Variants in EVC2 observed in about 807,000 individuals in gnomAD.
The protein encoded by EVC2 is EvC ciliary complex subunit 2, also known as limbin.
EVC2 carries 148 observed loss-of-function variants against 149.3 expected under a neutral mutation model. That is an observed-to-expected ratio of 0.99 (90% CI 0.87 to 1.14). EVC2 has a LOEUF of 1.14. Among genes scored for constraint, EVC2 ranks in the 50% most tolerant of loss-of-function variants. The probability of loss-of-function intolerance (pLI) is 0.00; values close to 1 mark genes in which losing one functional copy is unlikely to be tolerated. For missense variants in EVC2, 1,854 were observed against 1,627.3 expected (o/e 1.14, Z -2.40); for synonymous variants, 776 against 649.9 (o/e 1.19, Z -2.95).
At chr4:5,582,054 G>A (rs1410449517) in intron 17 of EVC2, among the ~76,000 whole-genome samples, 1 of 152,234 alleles carries the variant, frequency 6.6e-6, no homozygotes, top group Non-Finnish European at 1.5e-5. Flanking sequence ...GCCTTCTGCT[G>A]GGGCAGAGCC....
intron 16 of EVC2, among the ~76,000 whole-genome samples, chr4:5,615,165 G>A (rs1057152227): frequency 6.6e-6 from 1 of 152,196 alleles, no homozygotes; most frequent in Non-Finnish European, 1.5e-5. Context: ...GGCAGCACCC[G>A]AGGTGAAGCC....
intron 1 of EVC2, among the ~76,000 whole-genome samples, chr4:5,700,916 C>T (rs531496806): frequency 1.3e-4 from 20 of 152,328 alleles, no homozygotes; most frequent in East Asian, 1.9e-4. Context: ...TGCAGCTTCC[C>T]GTGGCTGCTG....
intron 16 of EVC2, among the ~76,000 whole-genome samples, chr4:5,604,006 G>C (rs1413272721): frequency 2.0e-5 from 3 of 152,144 alleles, no homozygotes; most frequent in South Asian, 2.1e-4. Context: ...TTTAGGCTCT[G>C]TTCTACCATG....
chr4:5,628,876 C>T, intron 11 of EVC2, 142 bp from the exon 12 acceptor site: 1 of 850,072 alleles, frequency 1.2e-6, no homozygotes, highest in Non-Finnish European at 1.8e-6. Context: ...TTTAACCTCC[C>T]TGCCTGTAAC....
intron 8 of EVC2, 72 bp from the exon 9 acceptor site, chr4:5,663,318 G>A: frequency 6.2e-7 from 1 of 1,602,336 alleles, no homozygotes; most frequent in South Asian, 1.1e-5. Flanking sequence ...AAAGCCAGGA[G>A]GGAAGGCCAG....
chr4:5,703,229 C>T (rs1044683578), intron 1 of EVC2, among the ~76,000 whole-genome samples: 1 of 152,200 alleles, frequency 6.6e-6, no homozygotes, highest in Admixed American at 6.5e-5. Flanking sequence ...TCCGTGAGGA[C>T]TTACTGCATA....
chr4:5,624,814 G>C (rs983868714), intron 13 of EVC2, among the ~76,000 whole-genome samples: 6 of 152,108 alleles, frequency 3.9e-5, no homozygotes, highest in Non-Finnish European at 4.4e-5. Flanking sequence ...TCCCAAACTT[G>C]GTAGTAAAGA....
intron 16 of EVC2, among the ~76,000 whole-genome samples, chr4:5,590,865 G>C (rs1463872122): frequency 6.6e-6 from 1 of 152,174 alleles, no homozygotes; most frequent in Non-Finnish European, 1.5e-5. Flanking sequence ...GAAACTTATA[G>C]TCATGGCAGA....
At position 5,686,624 on chromosome 4, in the gene EVC2, T is replaced by C. The variant is rs972553955; in HGVS notation, c.707-1145A>G. On this transcript the variant is annotated intron_variant, in intron 5 of 21. Transcript: ENST00000344408. This position sits in a 1 kb window ranked among gnomAD's most constrained non-coding sequence, Gnocchi z 5.4. ...GACTGGCTTAGGATCACCCCGCTGA[T>C]GGACAGGGAGCCACCTGACCCTCTG... 1.3e-5 allele frequency among the ~76,000 whole-genome samples: 2 copies of C among 152,160 alleles called. No individual in the cohort carries two copies. Among genetic ancestry groups the C allele is most frequent in the Non-Finnish European group, 2.9e-5 (2 of 68,024 alleles).
chr4:5,623,028 G>T (rs770843559), intron 13 of EVC2, 37 bp from the exon 14 acceptor site: 1 of 1,602,080 alleles, frequency 6.2e-7, no homozygotes, highest in Non-Finnish European at 8.5e-7. Flanking sequence ...TGGGGGTGGG[G>T]CTTGGCGGGT....
At position 5,584,606 on chromosome 4, in the gene EVC2, CCAG is replaced by C; in HGVS notation, c.3057+14_3057+16del. On this transcript the variant is annotated intron_variant, in intron 17 of 21. Transcript: ENST00000344408. ...ACCCAGCTCTGTCCCCCTCTCCTTC[CCAG>C]CGCCTGCACTCACCCGGCTGTGCGA... The C allele has an allele frequency of 6.2e-7, 1 of 1,609,160 alleles. No individual in the cohort carries two copies. Among genetic ancestry groups the C allele is most frequent in the East Asian group, 2.2e-5 (1 of 44,672 alleles).
chr4:5,540,446 ATG>A (rs1201393633), downstream of EVC2, among the ~76,000 whole-genome samples: 1 of 152,238 alleles, frequency 6.6e-6, no homozygotes, highest in Non-Finnish European at 1.5e-5. Context: ...CAACAGGTGA[ATG>A]TGTAAACAAT....
Position 5,637,861 on chromosome 4 carries a change from C to T in EVC2, c.1470+2653G>A, listed in dbSNP as rs1716994775. On this transcript the variant is annotated intron_variant, in intron 10 of 21. Coordinates refer to ENST00000344408, the MANE Select transcript of EVC2 (RefSeq NM_147127.5). This position sits in a 1 kb window ranked among gnomAD's most constrained non-coding sequence, Gnocchi z 4.4. ...TTTCAGCTTTGGTTCTGAAATCAGA[C>T]AGCCTTTCTGTAAGGGGCCATATTT... Among the ~76,000 whole-genome samples, 1 of 150,830 alleles carries T rather than the reference C, an allele frequency of 6.6e-6. No homozygotes were observed. The highest frequency in any genetic ancestry group is 1.5e-5 in the Non-Finnish European group (1 of 67,866).
At chr4:5,662,059 T>C (rs1445179448) in intron 9 of EVC2, among the ~76,000 whole-genome samples, 2 of 152,222 alleles carry the variant, frequency 1.3e-5, no homozygotes, top group African/African-American at 4.8e-5. Flanking sequence ...TCACCTGGTC[T>C]GGCCTCTCTC....
Position 5,568,589 on chromosome 4 carries a change from TG to T in EVC2, c.3411del (p.Thr1138ArgfsTer6). 1.2e-6 allele frequency: 2 copies of T among 1,608,740 alleles called. No homozygotes were observed. Among genetic ancestry groups the T allele is most frequent in the Non-Finnish European group, 8.5e-7 (1 of 1,179,750 alleles). On this transcript the variant is annotated frameshift_variant, in exon 20 of 22. Coordinates refer to ENST00000344408, the MANE Select transcript of EVC2 (RefSeq NM_147127.5). LOFTEE classifies it high-confidence loss of function. ...ACCACACTCAGGAGCCGGCGAAGCGTGGCCCCGGGCACCATGGCCATCCTCG... is the reference window on the plus strand; with the variant it reads ...ACCACACTCAGGAGCCGGCGAAGCGTGCCCCGGGCACCATGGCCATCCTCG... Reference protein sequence around the residue: ...YLARMAMVPGATLRRLLSVVL... With the variant: ...YLARMAMVPGXTLRRLLSVVL...
chr4:5,565,991 C>A (rs1353739144), intron 20 of EVC2, among the ~76,000 whole-genome samples: 1 of 152,234 alleles, frequency 6.6e-6, no homozygotes. Flanking sequence ...CTGCCTCCCC[C>A]ACTGGGATGA....
At chr4:5,591,438 C>T (rs1712791606) in intron 16 of EVC2, among the ~76,000 whole-genome samples, 1 of 152,026 alleles carries the variant, frequency 6.6e-6, no homozygotes, top group African/African-American at 2.4e-5. Flanking sequence ...TCACGTTATC[C>T]TTGTGTGGTC....
chr4:5,632,837 T>C (rs941381933), intron 10 of EVC2, among the ~76,000 whole-genome samples: 1 of 152,122 alleles, frequency 6.6e-6, no homozygotes, highest in African/African-American at 2.4e-5. Context: ...GAGGGAGCTG[T>C]TCTTCACTCC....
At chr4:5,530,943 T>C in the EVC2 span, among the ~76,000 whole-genome samples, 1 of 152,210 alleles carries the variant, frequency 6.6e-6, no homozygotes, top group Non-Finnish European at 1.5e-5. Flanking sequence ...AGCAGTTGCA[T>C]GGATTTTCTC....
Sources: allele counts gnomAD v4.1 joint callset (sites outside exome capture counted in the v4.1 genomes callset), GRCh38; gene constraint gnomAD v4.1.1; non-coding constraint Gnocchi (gnomAD v3.1); transcripts MANE v1.5; gene names NCBI Gene and HGNC (gene_info 2026-07-23, HGNC 2026-07-21).